The following PFKFB4 variants were observed in gnomAD, a reference collection of about 807,000 sequenced individuals.
PFKFB4 encodes 6-phosphofructo-2-kinase/fructose-2,6-biphosphatase 4.
PFKFB4 carries 42 observed loss-of-function variants against 62.8 expected under a neutral mutation model. That is an observed-to-expected ratio of 0.67 (90% CI 0.52 to 0.86). The LOEUF (loss-of-function observed/expected upper bound fraction) is 0.86. Ranked by LOEUF, PFKFB4 falls within the 40% of genes least tolerant of loss-of-function variation. PFKFB4 has a pLI of 0.00. For synonymous variants in PFKFB4, 204 were observed against 240.7 expected (o/e 0.85, Z 1.41); for missense variants, 475 against 627.2 (o/e 0.76, Z 2.59).
chr3:48,522,241 C>T (rs888343330), intron 12 of PFKFB4, among the ~76,000 whole-genome samples, 191 bp from the exon 13 acceptor site: 8 of 152,168 alleles, frequency 5.3e-5, no homozygotes, highest in Admixed American at 1.3e-4. Flanking sequence ...GTCAGACCCA[C>T]GCATATCTAT....
upstream of PFKFB4, chr3:48,562,156 A>T (rs766871481): frequency 6.5e-6 from 1 of 152,896 alleles, no homozygotes; most frequent in African/African-American, 2.4e-5. This position sits in a 1 kb window ranked among gnomAD's most constrained non-coding sequence, Gnocchi z 4.3. Flanking sequence ...CAAGGCTGCC[A>T]TGGTCACAGG....
intron 7 of PFKFB4, 70 bp from the exon 8 acceptor site, chr3:48,536,533 C>T (rs761189448): frequency 9.5e-5 from 119 of 1,248,578 alleles, no homozygotes; most frequent in Admixed American, 1.3e-4. Context: ...ATCTGGCTAG[C>T]CACGGAATCT....
At chr3:48,527,628 A>G (rs2107480568) in intron 9 of PFKFB4, among the ~76,000 whole-genome samples, 1 of 151,116 alleles carries the variant, frequency 6.6e-6, no homozygotes, top group South Asian at 2.1e-4. Flanking sequence ...ATTAAAGATT[A>G]TTCTGGTGAA....
chr3:48,536,223 C>A, intron 8 of PFKFB4, 33 bp downstream of exon 8: 1 of 1,588,792 alleles, frequency 6.3e-7, no homozygotes, highest in Non-Finnish European at 8.6e-7. Context: ...CAAATGCAGG[C>A]CCGTGTGCGC....
intron 4 of PFKFB4, among the ~76,000 whole-genome samples, chr3:48,541,467 A>G (rs1300646294): frequency 6.6e-6 from 1 of 151,776 alleles, no homozygotes; most frequent in African/African-American, 2.4e-5. Flanking sequence ...GTAGACACAG[A>G]GTCTCGCTAT....
intron 9 of PFKFB4, among the ~76,000 whole-genome samples, chr3:48,527,395 C>T (rs528036089): frequency 4.0e-5 from 6 of 151,832 alleles, no homozygotes. Flanking sequence ...ATCCTCCCAC[C>T]TCAGCCTCCC....
chr3:48,557,399 G>T (rs890743703), upstream of PFKFB4, among the ~76,000 whole-genome samples: 1 of 152,138 alleles, frequency 6.6e-6, no homozygotes, highest in Admixed American at 6.5e-5. Context: ...TGACTGCTCC[G>T]AGCCCCGGGA....
chr3:48,553,787 C>T (rs1329736493), intron 1 of PFKFB4, among the ~76,000 whole-genome samples: 1 of 152,212 alleles, frequency 6.6e-6, no homozygotes, highest in Non-Finnish European at 1.5e-5. Flanking sequence ...AAGTAACGTG[C>T]CATGGAGGCC....
intron 9 of PFKFB4, among the ~76,000 whole-genome samples, chr3:48,531,934 T>C (rs1017313181): frequency 5.3e-5 from 8 of 152,264 alleles, no homozygotes; most frequent in African/African-American, 1.2e-4. Context: ...TGTGGAGAAA[T>C]TGGAACCTGT....
intron 7 of PFKFB4, 109 bp from the exon 8 acceptor site, chr3:48,536,572 CAG>C (rs1233677616): frequency 1.3e-6 from 1 of 795,772 alleles, no homozygotes; most frequent in Non-Finnish European, 2.1e-6. Context: ...TTCCAACCAC[CAG>C]AGATTACAAC....
At chr3:48,551,356 C>T (rs1243789250) in intron 1 of PFKFB4, among the ~76,000 whole-genome samples, 1 of 151,310 alleles carries the variant, frequency 6.6e-6, no homozygotes, top group African/African-American at 2.4e-5. Context: ...TCTAGGATTA[C>T]AGACACCTGC....
intron 10 of PFKFB4, 101 bp from the exon 11 acceptor site, chr3:48,523,931 C>T: frequency 3.0e-6 from 4 of 1,316,786 alleles, no homozygotes; most frequent in South Asian, 1.4e-5. Flanking sequence ...AGCTACTCAC[C>T]ATTCTGGGAA....
chr3:48,559,574 A>C (rs552324830), upstream of PFKFB4: 46 of 457,066 alleles, frequency 1.0e-4, no homozygotes, highest in South Asian at 7.0e-4. Context: ...TCTCAGCATC[A>C]GCGGATGCCC....
intron 7 of PFKFB4, 164 bp from the exon 8 acceptor site, chr3:48,536,627 G>A (rs183513772): frequency 2.6e-5 from 16 of 611,962 alleles, no homozygotes; most frequent in South Asian, 9.6e-5. Context: ...GGGGTGAGGC[G>A]GGAGCAACAC....
chr3:48,537,650 G>A (rs1182416658), intron 7 of PFKFB4, among the ~76,000 whole-genome samples: 3 of 148,056 alleles, frequency 2.0e-5, no homozygotes, highest in Non-Finnish European at 4.4e-5. Flanking sequence ...TCAGCCTCCC[G>A]AGTAGCTGGG....
At chr3:48,526,572 CA>C (rs1427105726) in intron 9 of PFKFB4, among the ~76,000 whole-genome samples, 1,107 of 77,964 alleles carry the variant, frequency 0.014, 4 homozygotes, top group African/African-American at 0.033. Context: ...GACTCTGTCT[CA>C]AAAAAAAAAA....
intron 1 of PFKFB4, among the ~76,000 whole-genome samples, chr3:48,553,366 C>T (rs1386240250): frequency 1.3e-5 from 2 of 151,910 alleles, no homozygotes; most frequent in South Asian, 2.1e-4. Flanking sequence ...CCCAGCTACT[C>T]GGGAAGCTGA....
chr3:48,519,845 G>GC, intron 13 of PFKFB4, 39 bp from the exon 14 acceptor site: 1 of 1,513,992 alleles, frequency 6.6e-7, no homozygotes, highest in Non-Finnish European at 9.2e-7. Flanking sequence ...TCCATGGCAG[G>GC]AATAGATGAG....
Position 48,538,598 on chromosome 3 carries a change from C to T in PFKFB4, c.532G>A (p.Asp178Asn). The T allele has an allele frequency of 1.2e-6, 2 of 1,614,194 alleles. No homozygotes were observed. Among genetic ancestry groups the T allele is most frequent in the Non-Finnish European group, 1.7e-6 (2 of 1,180,030 alleles). ...NIVQVKLGSP[D>N]YVNRDSDEAT... ...TCATCACTGTCGCGGTTGACATAGT[C>T]AGGGCTGCCCAGTTTCACTTGCTGC... The change falls in exon 7 of 14, where the codon GAC (aspartate) becomes AAC (asparagine). Residue 178 changes from aspartate (D) to asparagine (N), a missense_variant. Coordinates refer to ENST00000232375, the MANE Select transcript of PFKFB4 (RefSeq NM_004567.4).
Sources: allele counts gnomAD v4.1 joint callset (sites outside exome capture counted in the v4.1 genomes callset), GRCh38; gene constraint gnomAD v4.1.1; non-coding constraint Gnocchi (gnomAD v3.1); transcripts MANE v1.5; gene names NCBI Gene and HGNC (gene_info 2026-07-23, HGNC 2026-07-21).